SHTN1: variants seen among roughly 807,000 people sequenced by gnomAD.
SHTN1 encodes shootin 1, also known as shootin-1.
In SHTN1, 42 loss-of-function variants were observed where a neutral mutation model predicts 83.1. The observed-to-expected ratio is 0.51, with a 90% CI of 0.39 to 0.65. SHTN1 has a LOEUF of 0.65. Among genes scored for constraint, SHTN1 ranks in the 30% least tolerant of loss-of-function variants. SHTN1 has a pLI of 0.00. For synonymous variants in SHTN1, 224 were observed against 247.7 expected, an observed-to-expected ratio of 0.90 and a Z score of 0.90; for missense variants, 622 against 737.8, an observed-to-expected ratio of 0.84 and a Z score of 1.82.
intron 2 of SHTN1, among the ~76,000 whole-genome samples, chr10:117,048,247 C>G (rs1449025590): frequency 6.6e-6 from 1 of 152,152 alleles, no homozygotes; most frequent in Non-Finnish European, 1.5e-5. Flanking sequence ...TCAACTCAAT[C>G]AGACCTAAAT....
At chr10:116,888,373 A>G (rs942531677) in intron 16 of SHTN1, among the ~76,000 whole-genome samples, 29 of 152,212 alleles carry the variant, frequency 1.9e-4, no homozygotes, top group African/African-American at 5.5e-4. Context: ...ACTATGAGTA[A>G]TATTAAGGAT....
intron 1 of SHTN1, among the ~76,000 whole-genome samples, chr10:117,059,115 A>G (rs1163284986): frequency 3.9e-5 from 6 of 152,176 alleles, no homozygotes; most frequent in Admixed American, 3.9e-4. Flanking sequence ...CAGACTAACG[A>G]ATGGTTAAAA....
intron 9 of SHTN1, among the ~76,000 whole-genome samples, chr10:116,936,788 T>C (rs1434777883): frequency 6.6e-6 from 1 of 152,194 alleles, no homozygotes; most frequent in East Asian, 1.9e-4. Flanking sequence ...TATTATTGTG[T>C]GGGAGTCTTT....
chr10:117,095,290 T>C (rs1002678740), intron 1 of SHTN1, among the ~76,000 whole-genome samples: 11 of 152,220 alleles, frequency 7.2e-5, no homozygotes, highest in Non-Finnish European at 1.3e-4. Flanking sequence ...GAAAAAGGGA[T>C]AACTGCTGAA....
intron 1 of SHTN1, among the ~76,000 whole-genome samples, chr10:117,068,837 A>G (rs889409679): frequency 2.6e-5 from 4 of 152,168 alleles, no homozygotes; most frequent in African/African-American, 9.7e-5. Flanking sequence ...AAGTGCTGGT[A>G]ATTTTTGCAG....
chr10:117,018,732 C>T (rs1173554200), intron 2 of SHTN1, among the ~76,000 whole-genome samples: 1 of 151,890 alleles, frequency 6.6e-6, no homozygotes. Flanking sequence ...CCACCATGCC[C>T]AGCTAATTTT....
chr10:116,993,003 T>C (rs1165310458), intron 1 of SHTN1, among the ~76,000 whole-genome samples: 5 of 136,246 alleles, frequency 3.7e-5, no homozygotes, highest in Non-Finnish European at 7.6e-5. Flanking sequence ...TGTTTTCTTT[T>C]CTTTCTTTTT....
At chr10:116,926,840 A>T (rs1848761193) in intron 11 of SHTN1, among the ~76,000 whole-genome samples, 1 of 152,202 alleles carries the variant, frequency 6.6e-6, no homozygotes, top group African/African-American at 2.4e-5. Context: ...TGTCTTATGT[A>T]ATTCTAGATG....
chr10:116,953,526 T>C (rs1190124457), intron 5 of SHTN1, among the ~76,000 whole-genome samples: 11 of 151,872 alleles, frequency 7.2e-5, no homozygotes, highest in African/African-American at 2.7e-4. Context: ...AAAATACTGA[T>C]GCCTAGGTCC....
At chr10:117,007,869 GT>G (rs1479551959), upstream of SHTN1, among the ~76,000 whole-genome samples, 1 of 151,878 alleles carries the variant, frequency 6.6e-6, no homozygotes. Context: ...AAAGCTGGGT[GT>G]GGTGGCGGGC....
intron 2 of SHTN1, among the ~76,000 whole-genome samples, chr10:117,011,979 A>T (rs1852112903): frequency 6.6e-6 from 1 of 152,026 alleles, no homozygotes; most frequent in Non-Finnish European, 1.5e-5. Context: ...TCTCTAATAA[A>T]AATACAAAAA....
chr10:117,008,655 G>A (rs1852056447), upstream of SHTN1, among the ~76,000 whole-genome samples: 1 of 152,190 alleles, frequency 6.6e-6, no homozygotes, highest in Admixed American at 6.5e-5. Context: ...TCCATAGAGG[G>A]AGAAAGTTGA....
chr10:116,987,732 T>C (rs992501965), intron 1 of SHTN1, among the ~76,000 whole-genome samples: 13 of 151,908 alleles, frequency 8.6e-5, no homozygotes, highest in African/African-American at 2.9e-4. Context: ...ATGGCCAACA[T>C]AGTGAAACCC....
chr10:117,050,932 C>T (rs939684209), intron 1 of SHTN1, among the ~76,000 whole-genome samples: 1 of 152,034 alleles, frequency 6.6e-6, no homozygotes, highest in Non-Finnish European at 1.5e-5. Context: ...GTGGCACCTG[C>T]CTGTAGTCCT....
chr10:117,122,501 C>T (rs146785294), intron 1 of SHTN1, among the ~76,000 whole-genome samples: 257 of 152,206 alleles, frequency 1.7e-3, no homozygotes, highest in Middle Eastern at 6.8e-3. Context: ...AAAATATTTT[C>T]GATCCATAGT....
chr10:117,046,131 G>T (rs956495410), intron 2 of SHTN1, among the ~76,000 whole-genome samples: 5 of 152,066 alleles, frequency 3.3e-5, no homozygotes, highest in African/African-American at 1.2e-4. Context: ...CAAAATTAAT[G>T]ACAGACACAA....
intron 2 of SHTN1, among the ~76,000 whole-genome samples, chr10:116,976,500 T>C (rs1850813215): frequency 6.6e-6 from 1 of 152,232 alleles, no homozygotes; most frequent in African/African-American, 2.4e-5. Context: ...GGAGTCTTAC[T>C]TTAATTTGCT....
chr10:116,927,922 C>A (rs1848806244), intron 10 of SHTN1, 31 bp from the exon 11 acceptor site: 1 of 1,609,450 alleles, frequency 6.2e-7, no homozygotes, highest in African/African-American at 1.3e-5. Flanking sequence ...CAGAAGAGAG[C>A]TGAAATAAGC....
At chr10:116,890,770 A>G (rs959296439) in intron 16 of SHTN1, among the ~76,000 whole-genome samples, 10 of 152,244 alleles carry the variant, frequency 6.6e-5, no homozygotes, top group Non-Finnish European at 1.0e-4. Context: ...TAGTAAAAGG[A>G]AAGACCTGAC....
Sources: allele counts gnomAD v4.1 joint callset (sites outside exome capture counted in the v4.1 genomes callset), GRCh38; gene constraint gnomAD v4.1.1; transcripts MANE v1.5; gene names NCBI Gene and HGNC (gene_info 2026-07-23, HGNC 2026-07-21).